Variants in E2F2 observed in about 807,000 individuals in gnomAD.
The protein encoded by E2F2 is E2F transcription factor 2.
Under a neutral mutation model 42.2 loss-of-function variants are expected in E2F2, and 22 were observed. The ratio of observed to expected loss-of-function variants is 0.52; its 90% CI spans 0.37 to 0.74. E2F2 has a LOEUF of 0.74. E2F2 is among the 30% of genes least tolerant of loss of function. The pLI, the probability that E2F2 is intolerant of heterozygous loss-of-function variation, is 0.00. For synonymous variants in E2F2, 248 were observed against 251.6 expected (o/e 0.99, Z 0.13); for missense variants, 481 against 557.8 (o/e 0.86, Z 1.39).
intron 5 of E2F2, among the ~76,000 whole-genome samples, chr1:23,517,499 G>A (rs541516924): frequency 3.9e-5 from 6 of 152,252 alleles, no homozygotes; most frequent in African/African-American, 7.2e-5. Flanking sequence ...CCACTAAGTC[G>A]TGAACTCCTC....
chr1:23,525,302 A>C (rs1364282733), intron 1 of E2F2, among the ~76,000 whole-genome samples: 1 of 151,582 alleles, frequency 6.6e-6, no homozygotes, highest in African/African-American at 2.4e-5. Flanking sequence ...CCCGGGCCCC[A>C]ATTAGGCCCA....
In E2F2 at chr1:23,524,420, C is replaced by T. The variant is rs761847021; in HGVS notation, c.321G>A (p.Gly107=). ...PVVPEFPTPK[G]KCIRVDGLPS... is the part of the protein sequence containing the mutation. ...GGAGGCCATCCACTCTGATGCACTT[C>T]CCCTTGGGGGTTGGGAACTCAGGGA... The change falls in exon 2 of 7, where the codon GGG becomes GGA. Residue 107 remains glycine, a synonymous_variant. Transcript: ENST00000361729. 2 of 1,584,904 alleles carry T rather than the reference C, an allele frequency of 1.3e-6. No homozygotes were observed. Among genetic ancestry groups the T allele is most frequent in the East Asian group, 2.3e-5 (1 of 43,132 alleles).
Position 23,509,711 on chromosome 1 carries a change from T to C in E2F2, c.*169A>G. The C allele has an allele frequency of 7.5e-7, 1 of 1,326,742 alleles. No homozygotes were observed. Among genetic ancestry groups the C allele is most frequent in the Middle Eastern group, 2.8e-4 (1 of 3,622 alleles). The allele number at this position is 1,326,742 out of a possible 1,614,324, so 82.2% of individuals were successfully genotyped here. ...CCTTATCCACTCCTCACCCGTACCA[T>C]TCATATCTCCCCACACAGCTTCTGC... On this transcript the variant is annotated 3_prime_UTR_variant, in exon 7 of 7. Transcript: ENST00000361729.
chr1:23,524,463 C>T lies in E2F2; in HGVS notation c.278G>A (p.Gly93Glu). 6.2e-7 allele frequency: 1 copy of T among 1,613,734 alleles called. No homozygotes were observed. Among genetic ancestry groups the T allele is most frequent in the South Asian group, 1.1e-5 (1 of 91,010 alleles). Residue 93 changes from glycine (G) to glutamate (E), a missense_variant, in exon 2 of 7, where the codon GGG becomes GAG. Physicochemically the swap from Gly to Glu is moderately conservative, Grantham distance 98. Transcript: ENST00000361729. ...LPAKRKLDLE[G>E]IGRPVVPEFP... Reference sequence around the variant, plus strand: ...CTCAGGGACGACGGGCCTCCCAATCCCCTCCAGATCCAGCTTCCTTTTGGC... The same window carrying T: ...CTCAGGGACGACGGGCCTCCCAATCTCCTCCAGATCCAGCTTCCTTTTGGC...
rs1570477857 is a variant in E2F2 at position 23,530,967 on chromosome 1, G to A, written c.-174C>T. 3 of 752,210 alleles carry A rather than the reference G, an allele frequency of 4.0e-6. No homozygotes were observed. In the East Asian group the frequency reaches 9.5e-5, roughly 24 times the overall value. The allele number at this position is 752,210 out of a possible 1,614,324, so 46.6% of individuals were successfully genotyped here. On this transcript the variant is annotated 5_prime_UTR_variant, in exon 1 of 7. Coordinates refer to ENST00000361729, the MANE Select transcript of E2F2 (RefSeq NM_004091.4). The surrounding 1 kb of genome is among the most constrained non-coding windows in gnomAD (Gnocchi z 4.4). ...TCCCCTCCTGGCCCGCGGCCGAGCA[G>A]AGAGCAGCGCTTAGAGATCGCCGCT...
chr1:23,516,799 G>C (rs3218185), intron 5 of E2F2, among the ~76,000 whole-genome samples: 5 of 21,236 alleles, frequency 2.4e-4, no homozygotes, highest in Admixed American at 1.5e-3. Flanking sequence ...GTTTTGGGGC[G>C]GGGGGGGGGG....
At chr1:23,517,966 T>C (rs1382761229) in intron 5 of E2F2, among the ~76,000 whole-genome samples, 2 of 151,222 alleles carry the variant, frequency 1.3e-5, no homozygotes, top group East Asian at 3.9e-4. Context: ...ATGCCGAAGT[T>C]CAAGACCAGC....
chr1:23,521,091 C>A lies in E2F2; in HGVS notation c.579-20G>T. 1.3e-6 allele frequency: 2 copies of A among 1,595,914 alleles called. No individual in the cohort carries two copies. The highest frequency in any genetic ancestry group is 1.7e-6 in the Non-Finnish European group (2 of 1,172,132). On this transcript the variant is annotated intron_variant, in intron 3 of 6. Transcript: ENST00000361729. ...CTGCCTCTGGGAACAGAGCAGCCCC[C>A]CAGTGTCAGTCTGTGGGTGAAACTC... is the stretch of plus-strand genomic sequence containing the variant.
At chr1:23,511,956 G>C (rs1642918043) in intron 6 of E2F2, among the ~76,000 whole-genome samples, 1 of 152,122 alleles carries the variant, frequency 6.6e-6, no homozygotes, top group African/African-American at 2.4e-5. Flanking sequence ...CCAGCACTTT[G>C]GGAGGGCGAG....
At chr1:23,529,186 C>T (rs1256888125) in intron 1 of E2F2, among the ~76,000 whole-genome samples, 3 of 152,228 alleles carry the variant, frequency 2.0e-5, no homozygotes, top group Non-Finnish European at 4.4e-5. Context: ...GCTATTAATG[C>T]CATCTATTTC....
At chr1:23,524,267 G>A (rs573422135) in intron 2 of E2F2, 116 bp downstream of exon 2, 13 of 790,088 alleles carry the variant, frequency 1.6e-5, no homozygotes, top group Middle Eastern at 3.9e-4. Context: ...AATAAAATAC[G>A]CAGGAAGCTT....
At chr1:23,521,122 C>T in intron 3 of E2F2, 51 bp from the exon 4 acceptor site, 2 of 1,514,914 alleles carry the variant, frequency 1.3e-6, no homozygotes, top group Middle Eastern at 2.1e-4. Flanking sequence ...AACTCCAGAA[C>T]AAGGTCATTC....
chr1:23,519,586 T>C (rs1034907103), intron 4 of E2F2, among the ~76,000 whole-genome samples: 5 of 152,244 alleles, frequency 3.3e-5, no homozygotes, highest in African/African-American at 1.2e-4. Flanking sequence ...ATTTCAATCC[T>C]AGGGATCTGA....
rs2124277010 is a variant in E2F2 at position 23,530,374 on chromosome 1, G to C, written c.252+168C>G. Among the ~76,000 whole-genome samples, 1 of 152,318 alleles carries C rather than the reference G, an allele frequency of 6.6e-6. No homozygotes were observed. ...TTTCATCCAAAGTCTGAAAATGAAGGGGTCTTCTACTCAGATATTGGGGGC... is the reference window on the plus strand; with the variant it reads ...TTTCATCCAAAGTCTGAAAATGAAGCGGTCTTCTACTCAGATATTGGGGGC... On this transcript the variant is annotated intron_variant, in intron 1 of 6. Coordinates refer to ENST00000361729, the MANE Select transcript of E2F2 (RefSeq NM_004091.4). The surrounding 1 kb of genome is among the most constrained non-coding windows in gnomAD (Gnocchi z 4.4).
At chr1:23,524,280 G>A (rs1643210301) in intron 2 of E2F2, 103 bp downstream of exon 2, 2 of 932,998 alleles carry the variant, frequency 2.1e-6, no homozygotes, top group South Asian at 2.0e-5. Context: ...GGAAGCTTTT[G>A]TAAACTGGAA....
intron 5 of E2F2, among the ~76,000 whole-genome samples, chr1:23,517,279 G>T (rs959599169): frequency 6.6e-6 from 1 of 152,164 alleles, no homozygotes; most frequent in Non-Finnish European, 1.5e-5. Flanking sequence ...CCACATAACC[G>T]CAACTTAAGC....
At chr1:23,518,317 A>G (rs2148698181) in intron 5 of E2F2, among the ~76,000 whole-genome samples, 1 of 152,088 alleles carries the variant, frequency 6.6e-6, no homozygotes, top group Admixed American at 6.6e-5. Flanking sequence ...AAAAAAATAC[A>G]AAACTTAGCC....
chr1:23,521,947 G>A lies in E2F2; in HGVS notation c.468C>T (p.Asn156=). 1 of 1,614,198 alleles carries A rather than the reference G, an allele frequency of 6.2e-7. No individual in the cohort carries two copies. The highest frequency in any genetic ancestry group is 8.5e-7 in the Non-Finnish European group (1 of 1,180,034). ...GCACGTCCAGCACCTCAGCGGCCCA[G>A]TTCAGGTCCAGGACCCCATCCTCTG... is the stretch of plus-strand genomic sequence containing the variant. ...SESEDGVLDL[N]WAAEVLDVQK... The change falls in exon 3 of 7, where the codon AAC becomes AAT. Residue 156 remains asparagine, a synonymous_variant. Coordinates refer to ENST00000361729, the MANE Select transcript of E2F2 (RefSeq NM_004091.4).
chr1:23,509,320 T>G lies in E2F2; in HGVS notation c.*560A>C, dbSNP rs569229365. 1 of 152,368 alleles carries G rather than the reference T, an allele frequency of 6.6e-6. No individual in the cohort carries two copies. Among genetic ancestry groups the G allele is most frequent in the Non-Finnish European group, 1.5e-5 (1 of 68,084 alleles). The allele number at this position is 152,368 out of a possible 1,614,324, so 9.4% of individuals were successfully genotyped here. A position where few individuals can be genotyped will look rare whatever the true frequency, so the allele number is the denominator to read the frequency against. ...GCATTCTAGCAGACTGGACAGCCCC[T>G]CAGAGTCCCAGCCCCCACCACAGTG... is the stretch of plus-strand genomic sequence containing the variant. On this transcript the variant is annotated 3_prime_UTR_variant, in exon 7 of 7. Coordinates refer to ENST00000361729, the MANE Select transcript of E2F2 (RefSeq NM_004091.4).
Sources: gnomAD v4.1 joint callset for allele counts (sites outside exome capture counted in the v4.1 genomes callset) on GRCh38, gnomAD v4.1.1 for gene constraint, Gnocchi (gnomAD v3.1) non-coding constraint, MANE v1.5 for transcripts, NCBI Gene and HGNC (gene_info 2026-07-23, HGNC 2026-07-21) for gene names.